The following DNAAF1 variants were observed in gnomAD, a reference collection of about 807,000 sequenced individuals.
The protein encoded by DNAAF1 is dynein assembly factor 1, axonemal.
A neutral mutation model predicts 71.1 loss-of-function variants in DNAAF1; 65 were observed. The ratio of observed to expected loss-of-function variants is 0.91; its 90% confidence interval spans 0.75 to 1.12. DNAAF1 has a LOEUF of 1.12. Among genes scored for constraint, DNAAF1 ranks in the 50% most tolerant of loss-of-function variants. DNAAF1 has a pLI of 0.00. For missense variants in DNAAF1, 1,178 were observed against 899.8 expected (o/e 1.31, Z -3.96); for synonymous variants, 414 against 354.6 (o/e 1.17, Z -1.88).
chr16:84,151,503 G>C (rs555633825), intron 3 of DNAAF1, among the ~76,000 whole-genome samples: 1 of 152,328 alleles, frequency 6.6e-6, no homozygotes, highest in Non-Finnish European at 1.5e-5. Context: ...TGATACTTAA[G>C]AGGTGGGAAG....
At chr16:84,155,516 C>A in intron 4 of DNAAF1, 67 bp from the exon 5 acceptor site, 3 of 1,553,256 alleles carry the variant, frequency 1.9e-6, no homozygotes, top group Non-Finnish European at 2.7e-6. Flanking sequence ...AGGTATGAAC[C>A]ACTGTGCCTG....
chr16:84,146,274 C>T (rs1477065113), intron 1 of DNAAF1, among the ~76,000 whole-genome samples: 1 of 152,324 alleles, frequency 6.6e-6, no homozygotes, highest in East Asian at 1.9e-4. Context: ...TCTCTCCCTC[C>T]AGACTGCATG....
chr16:84,161,869 T>C (rs2087731177), intron 6 of DNAAF1, among the ~76,000 whole-genome samples: 1 of 152,096 alleles, frequency 6.6e-6, no homozygotes, highest in African/African-American at 2.4e-5. Flanking sequence ...GTCTCTGACA[T>C]ATACTCATTT....
chr16:84,172,524 C>T, intron 9 of DNAAF1, 149 bp downstream of exon 9: 1 of 1,481,114 alleles, frequency 6.8e-7, no homozygotes, highest in Non-Finnish European at 9.0e-7. Flanking sequence ...GTTAGAAATG[C>T]AGACTCCCAG....
chr16:84,174,686 AGAT>A lies in DNAAF1; in HGVS notation c.1671_1673del (p.Asp557del), dbSNP rs751005065. 1.9e-6 allele frequency: 3 copies of A among 1,614,184 alleles called. No homozygotes were observed. Among genetic ancestry groups the A allele is most frequent in the South Asian group, 1.1e-5 (1 of 91,086 alleles). On this transcript the variant is annotated inframe_deletion, in exon 10 of 12. Coordinates refer to ENST00000378553, the MANE Select transcript of DNAAF1 (RefSeq NM_178452.6). ...TCTTTCAGGACCTACCTGACTTGGA[AGAT>A]GATGATGAAACAGGCAAATCTCTGG...
rs375586650 is a variant in DNAAF1 at position 84,170,367 on chromosome 16, C to T, written c.1528+11C>T. 84 of 1,613,580 alleles carry T rather than the reference C, an allele frequency of 5.2e-5. No individual in the cohort carries two copies. The African/African-American group carries it at 6.0e-4, about 12-fold the overall frequency. On this transcript the variant is annotated intron_variant, in intron 8 of 11. Coordinates refer to ENST00000378553, the MANE Select transcript of DNAAF1 (RefSeq NM_178452.6). ...GAGCTGCCAGGGAAGGTAATGTGAG[C>T]GGAGAAACACACACAGACACACACA...
At chr16:84,154,273 G>C (rs959091500) in intron 3 of DNAAF1, among the ~76,000 whole-genome samples, 1 of 152,166 alleles carries the variant, frequency 6.6e-6, no homozygotes, top group African/African-American at 2.4e-5. Context: ...GTGAGAGCTT[G>C]CTTTTTTATT....
intron 6 of DNAAF1, among the ~76,000 whole-genome samples, 155 bp from the exon 7 acceptor site, chr16:84,165,628 C>A (rs2087932525): frequency 6.6e-6 from 1 of 152,080 alleles, no homozygotes; most frequent in Non-Finnish European, 1.5e-5. Context: ...ACTGTTCCAC[C>A]TTAAATAATA....
At chr16:84,153,428 T>TTG (rs1433013044) in intron 3 of DNAAF1, among the ~76,000 whole-genome samples, 1 of 152,154 alleles carries the variant, frequency 6.6e-6, no homozygotes, top group Non-Finnish European at 1.5e-5. Flanking sequence ...ACCAAAATTT[T>TTG]TGTGGAAAAA....
intron 9 of DNAAF1, chr16:84,172,976 C>T: frequency 1.0e-6 from 1 of 998,482 alleles, no homozygotes; most frequent in Non-Finnish European, 1.2e-6. Context: ...AAGAATGGTA[C>T]CATGGGAATT....
chr16:84,158,559 G>GA (rs1397554430), intron 5 of DNAAF1, among the ~76,000 whole-genome samples: 1 of 152,168 alleles, frequency 6.6e-6, no homozygotes, highest in Non-Finnish European at 1.5e-5. Context: ...ATTCAGCCCA[G>GA]AACGAAAGCA....
Position 84,176,069 on chromosome 16 carries a change from A to T in DNAAF1, c.1835A>T (p.Asp612Val). 6.2e-7 allele frequency: 1 copy of T among 1,614,114 alleles called. No homozygotes were observed. The highest frequency in any genetic ancestry group is 8.5e-7 in the Non-Finnish European group (1 of 1,180,010). ...TCAAATATATTTGCAGTCTCTAAAG[A>T]CACCTCAAAGGCGGCTCGGGTGCCC... ...TLSNIFAVSKDTSKAARVPFT... is the reference protein window; with the variant it reads ...TLSNIFAVSKVTSKAARVPFT... The change falls in exon 11 of 12, where the codon GAC (aspartate) becomes GTC (valine). Residue 612 changes from aspartate to valine, a missense_variant. By Grantham distance (152) the Asp-to-Val change is radical. Coordinates refer to ENST00000378553, the MANE Select transcript of DNAAF1 (RefSeq NM_178452.6).
At chr16:84,146,194 C>A (rs1214600115) in intron 1 of DNAAF1, among the ~76,000 whole-genome samples, 2 of 152,202 alleles carry the variant, frequency 1.3e-5, no homozygotes, top group South Asian at 4.1e-4. Flanking sequence ...CCACGCTATT[C>A]TCCCTGGTCC....
intron 7 of DNAAF1, among the ~76,000 whole-genome samples, chr16:84,166,312 C>G (rs1170114378): frequency 6.6e-6 from 1 of 151,708 alleles, no homozygotes; most frequent in Non-Finnish European, 1.5e-5. Flanking sequence ...CTTGGCTTCC[C>G]AAAGTGCTGG....
At chr16:84,155,950 T>G (rs2087407256) in intron 5 of DNAAF1, among the ~76,000 whole-genome samples, 1 of 152,110 alleles carries the variant, frequency 6.6e-6, no homozygotes, top group East Asian at 1.9e-4. Flanking sequence ...GTTCAGTGTG[T>G]GCCTCTAACA....
At chr16:84,145,624 G>A (rs1400251874) in intron 1 of DNAAF1, 60 bp downstream of exon 1, 2 of 1,529,394 alleles carry the variant, frequency 1.3e-6, no homozygotes, top group African/African-American at 1.4e-5. Context: ...AGGCGCTCCA[G>A]CCCCCTTCCC....
chr16:84,158,032 C>T (rs1214355840), intron 5 of DNAAF1, among the ~76,000 whole-genome samples: 3 of 151,960 alleles, frequency 2.0e-5, no homozygotes, highest in Non-Finnish European at 2.9e-5. Context: ...ATGGTGAAAC[C>T]GTCTCTACTA....
intron 11 of DNAAF1, 79 bp downstream of exon 11, chr16:84,176,378 C>A: frequency 6.3e-7 from 1 of 1,598,916 alleles, no homozygotes; most frequent in South Asian, 1.1e-5. Context: ...GGCAGTCACT[C>A]AGCCTTACCC....
chr16:84,175,768 C>A (rs1245728252), intron 10 of DNAAF1, 165 bp from the exon 11 acceptor site: 2 of 850,366 alleles, frequency 2.4e-6, no homozygotes, highest in East Asian at 2.5e-5. Context: ...GAGTGGCCAC[C>A]CCCAGGCCTA....
Sources: allele counts gnomAD v4.1 joint callset (sites outside exome capture counted in the v4.1 genomes callset), GRCh38; gene constraint gnomAD v4.1.1; transcripts MANE v1.5; gene names NCBI Gene and HGNC (gene_info 2026-07-23, HGNC 2026-07-21).